FHAD1: variants seen among roughly 807,000 people sequenced by gnomAD.
The protein encoded by FHAD1 is forkhead associated phosphopeptide binding domain 1.
A neutral mutation model predicts 191.3 loss-of-function variants in FHAD1; 146 were observed. That is an observed-to-expected ratio of 0.76 (90% CI 0.67 to 0.88). The LOEUF is 0.88. Ranked by LOEUF, FHAD1 falls within the 40% of genes least tolerant of loss-of-function variation. The pLI is 0.00. For synonymous variants in FHAD1, 616 were observed against 672.3 expected (o/e 0.92, Z 1.29); for missense variants, 1,635 against 1,785.8 (o/e 0.92, Z 1.52).
At chr1:15,314,569 C>T (rs1257021097) in intron 8 of FHAD1, 2 of 151,902 alleles carry the variant, frequency 1.3e-5, no homozygotes, top group Non-Finnish European at 2.9e-5. Flanking sequence ...AGGGTCACCG[C>T]CTGGATTACA....
chr1:15,285,255 G>A (rs916215445), intron 3 of FHAD1, among the ~76,000 whole-genome samples: 10 of 152,220 alleles, frequency 6.6e-5, no homozygotes, highest in African/African-American at 1.9e-4. Flanking sequence ...AACAATGCCG[G>A]GCGCTGTGGC....
intron 2 of FHAD1, among the ~76,000 whole-genome samples, chr1:15,269,120 C>G (rs1654818893): frequency 6.6e-6 from 1 of 151,994 alleles, no homozygotes; most frequent in African/African-American, 2.4e-5. Flanking sequence ...TCCAAAGAAC[C>G]AACTTTTGTT....
At chr1:15,336,021 C>T (rs1415761145) in intron 14 of FHAD1, among the ~76,000 whole-genome samples, 1 of 152,210 alleles carries the variant, frequency 6.6e-6, no homozygotes, top group East Asian at 1.9e-4. Flanking sequence ...AAGCCAATGT[C>T]AGCCCGGCCA....
At position 15,241,190 on chromosome 1, in the gene FHAD1, T is replaced by C. The variant is rs146234994; in HGVS notation, c.-15+4429T>C. Among the ~76,000 whole-genome samples the C allele has an allele frequency of 4.5e-3, 687 of 152,120 alleles. 3 individuals are homozygous for C. Among genetic ancestry groups the C allele is most frequent in the Non-Finnish European group, 5.8e-3 (395 of 67,996 alleles). ...TGGTAGTTTGTTAAGCAGCAATTGA[T>C]AACCAATACAATGGAATACGACAGA... On this transcript the variant is annotated intron_variant, in intron 1 of 33. Transcript: ENST00000683790.
downstream of FHAD1, chr1:15,400,268 T>G (rs935369258): frequency 3.3e-5 from 5 of 152,198 alleles, no homozygotes; most frequent in African/African-American, 1.2e-4. Context: ...GACAAAGAAA[T>G]CCCTATCTAT....
chr1:15,337,995 C>T (rs368491869), intron 14 of FHAD1, among the ~76,000 whole-genome samples: 3 of 152,270 alleles, frequency 2.0e-5, no homozygotes, highest in East Asian at 1.9e-4. Flanking sequence ...CTCAAGCCGA[C>T]GGTTTCAGGA....
chr1:15,237,019 C>T (rs115114327), intron 1 of FHAD1, among the ~76,000 whole-genome samples: 2,578 of 152,150 alleles, frequency 0.017, 37 homozygotes, highest in Non-Finnish European at 0.024. Context: ...TCCTTGCTGC[C>T]GCCATGTTAA....
intron 4 of FHAD1, among the ~76,000 whole-genome samples, chr1:15,295,634 C>CATATATATATAT (rs34586844): frequency 1.2e-4 from 18 of 150,510 alleles, no homozygotes; most frequent in African/African-American, 4.4e-4. Flanking sequence ...TCTCTCTAAA[C>CATATATATATAT]ATATATATAT....
intron 21 of FHAD1, among the ~76,000 whole-genome samples, 191 bp from the exon 22 acceptor site, chr1:15,360,287 G>C (rs1357143213): frequency 6.6e-6 from 1 of 152,250 alleles, no homozygotes; most frequent in Non-Finnish European, 1.5e-5. Flanking sequence ...CTGGAGCTGA[G>C]CCCTGAGAGT....
chr1:15,306,354 T>C (rs1670485309), intron 6 of FHAD1, among the ~76,000 whole-genome samples: 1 of 152,166 alleles, frequency 6.6e-6, no homozygotes, highest in South Asian at 2.1e-4. Context: ...TTCAGAAAAT[T>C]TGCAGCCTGA....
chr1:15,283,275 T>C (rs1661240124), intron 3 of FHAD1, among the ~76,000 whole-genome samples: 1 of 152,208 alleles, frequency 6.6e-6, no homozygotes, highest in South Asian at 2.1e-4. Context: ...GGCCCTGTTT[T>C]AGCTGGTCCT....
At chr1:15,358,423 G>GACAGCCCCTGACA in intron 21 of FHAD1, 140 bp downstream of exon 21, 1 of 787,044 alleles carries the variant, frequency 1.3e-6, no homozygotes, top group Non-Finnish European at 2.0e-6. Context: ...TTCCTGTCAG[G>GACAGCCCCTGACA]GGCTGTCCTG....
intron 10 of FHAD1, among the ~76,000 whole-genome samples, chr1:15,322,878 G>T (rs967068892): frequency 6.6e-6 from 1 of 152,180 alleles, no homozygotes; most frequent in African/African-American, 2.4e-5. Context: ...ACCCGAAACT[G>T]GGAAGAAAAA....
intron 4 of FHAD1, among the ~76,000 whole-genome samples, chr1:15,292,014 G>C (rs1472867323): frequency 6.6e-6 from 1 of 152,138 alleles, no homozygotes; most frequent in African/African-American, 2.4e-5. Flanking sequence ...AGTAGCCTTG[G>C]TTACATAGAT....
In FHAD1 at chr1:15,276,791, CA is replaced by C. The variant is rs372488607; in HGVS notation, c.300+4275del. ...CCTGGGCAACAGAGTGAGACTCTCT[CA>C]AAAAAAAAAAAAGTATAGCCTAGGG... On this transcript the variant is annotated intron_variant, in intron 3 of 33. Coordinates refer to ENST00000688493, the MANE Select transcript of FHAD1 (RefSeq NM_001391957.1). The surrounding 1 kb of genome is among the most constrained non-coding windows in gnomAD (Gnocchi z 4.7). 1.5e-3 allele frequency among the ~76,000 whole-genome samples: 214 copies of C among 138,408 alleles called. No homozygotes were observed. The highest frequency in any genetic ancestry group is 1.4e-3 in the Admixed American group (20 of 13,814). 90.8% of individuals were successfully genotyped at this position (138,408 alleles called of 152,430 possible).
chr1:15,276,591 A>G lies in FHAD1; in HGVS notation c.300+4062A>G, dbSNP rs556020505. On this transcript the variant is annotated intron_variant, in intron 3 of 33. Coordinates refer to ENST00000688493, the MANE Select transcript of FHAD1 (RefSeq NM_001391957.1). The surrounding 1 kb of genome is among the most constrained non-coding windows in gnomAD (Gnocchi z 4.7). Reference sequence around the variant, plus strand: ...CAAGGCAGGAGGATCGCTTGAGGCCAGGAGTTCAAGACCAGCCTGGCCAAC... The same window carrying G: ...CAAGGCAGGAGGATCGCTTGAGGCCGGGAGTTCAAGACCAGCCTGGCCAAC... Among the ~76,000 whole-genome samples the G allele has an allele frequency of 3.9e-5, 6 of 152,330 alleles. 1 individual carries two copies. The South Asian group carries it at 1.2e-3, about 32-fold the overall frequency.
At chr1:15,260,714 C>T (rs1573736329) in intron 2 of FHAD1, among the ~76,000 whole-genome samples, 1 of 152,266 alleles carries the variant, frequency 6.6e-6, no homozygotes, top group African/African-American at 2.4e-5. Flanking sequence ...TAGTCTTTCT[C>T]ATGCTTCAGA....
At chr1:15,358,615 C>T (rs941814382) in intron 21 of FHAD1, among the ~76,000 whole-genome samples, 8 of 152,214 alleles carry the variant, frequency 5.3e-5, no homozygotes, top group African/African-American at 1.2e-4. Flanking sequence ...CCTCTCTGCA[C>T]GGTGTTCTGA....
intron 1 of FHAD1, among the ~76,000 whole-genome samples, chr1:15,237,750 GAAAA>G (rs1424091362): frequency 6.6e-6 from 1 of 151,836 alleles, no homozygotes; most frequent in Admixed American, 6.6e-5. Context: ...GTATCAGAAA[GAAAA>G]GAACAGTTGT....
Sources: gnomAD v4.1 joint callset for allele counts (sites outside exome capture counted in the v4.1 genomes callset) on GRCh38, gnomAD v4.1.1 for gene constraint, Gnocchi (gnomAD v3.1) non-coding constraint, MANE v1.5 for transcripts, NCBI Gene and HGNC (gene_info 2026-07-23, HGNC 2026-07-21) for gene names.